Variants in DDR2 observed in about 807,000 individuals in gnomAD.
DDR2 encodes the protein discoidin domain-containing receptor 2.
DDR2 carries 27 observed loss-of-function variants against 94.9 expected under a neutral mutation model. That is an observed-to-expected ratio of 0.28 (90% CI 0.21 to 0.39). The LOEUF (loss-of-function observed/expected upper bound fraction) is 0.39, where lower values mean the gene tolerates loss of function less well. Ranked by LOEUF, DDR2 falls within the 10% of genes least tolerant of loss-of-function variation. The probability of loss-of-function intolerance (pLI) is 1.00; values close to 1 mark genes in which losing one functional copy is unlikely to be tolerated. For missense variants in DDR2, 783 were observed against 1,076.0 expected, an observed-to-expected ratio of 0.73 and a Z score of 3.81; for synonymous variants, 382 against 377.2, an observed-to-expected ratio of 1.01 and a Z score of -0.15.
At chr1:162,675,114 G>A (rs1019072023) in intron 2 of DDR2, among the ~76,000 whole-genome samples, 5 of 152,086 alleles carry the variant, frequency 3.3e-5, no homozygotes, top group Middle Eastern at 6.8e-3. Flanking sequence ...TCAAGATCAT[G>A]CTATTGCGTT....
chr1:162,703,089 C>T (rs1329996558), intron 2 of DDR2, among the ~76,000 whole-genome samples: 2 of 152,144 alleles, frequency 1.3e-5, no homozygotes, highest in African/African-American at 4.8e-5. Context: ...AGTGATAAAG[C>T]ATAAAATATA....
chr1:162,716,372 T>A (rs1661169495), intron 2 of DDR2, among the ~76,000 whole-genome samples: 1 of 152,064 alleles, frequency 6.6e-6, no homozygotes, highest in African/African-American at 2.4e-5. Flanking sequence ...AGAGCTCGGG[T>A]CTCTCTGGAA....
At chr1:162,760,484 C>CTATATATGTATATACATATACAACTA (rs1201191960) in intron 8 of DDR2, among the ~76,000 whole-genome samples, 3 of 122,844 alleles carry the variant, frequency 2.4e-5, no homozygotes, top group African/African-American at 8.3e-5. Context: ...ACATATACAA[C>CTATATATGTATATACATATACAACTA]TATATATGTA....
chr1:162,672,446 C>T (rs1453270400), intron 2 of DDR2, among the ~76,000 whole-genome samples: 1 of 118,468 alleles, frequency 8.4e-6, no homozygotes, highest in Non-Finnish European at 1.9e-5. Context: ...AAGTAGTGCA[C>T]AAATTAGTGC....
intron 3 of DDR2, among the ~76,000 whole-genome samples, chr1:162,744,079 C>T (rs1662735461): frequency 6.6e-6 from 1 of 152,108 alleles, no homozygotes; most frequent in Non-Finnish European, 1.5e-5. Flanking sequence ...AAGGCATGAT[C>T]TAGGGTAGGA....
intron 3 of DDR2, among the ~76,000 whole-genome samples, chr1:162,735,034 G>A (rs186040294): frequency 1.3e-5 from 2 of 152,304 alleles, no homozygotes; most frequent in East Asian, 1.9e-4. Context: ...GGACTCAACT[G>A]CAGGAGGTAG....
rs2102195921 is a variant in DDR2 at position 162,775,740 on chromosome 1, C to G, written c.1945C>G (p.Pro649Ala). ...ATTAGCTGTGTGTATCACTGATGAC[C>G]CTCTCTGTATGATCACTGAATACAT... ...HLLAVCITDD[P>A]LCMITEYMEN... The change falls in exon 15 of 18, where the codon CCT becomes GCT. Residue 649 changes from proline to alanine, a missense_variant. Physicochemically the swap from Pro to Ala is conservative, Grantham distance 27. Transcript: ENST00000367921. 6.2e-7 allele frequency: 1 copy of G among 1,614,062 alleles called. No individual in the cohort carries two copies. The highest frequency in any genetic ancestry group is 2.2e-5 in the East Asian group (1 of 44,880).
At position 162,780,279 on chromosome 1, in the gene DDR2, C is replaced by A. The variant is rs756316189; in HGVS notation, c.*33C>A. 1 of 1,613,442 alleles carries A rather than the reference C, an allele frequency of 6.2e-7. No homozygotes were observed. The highest frequency in any genetic ancestry group is 8.5e-7 in the Non-Finnish European group (1 of 1,179,712). ...AGTGCCTGGCCATGTTCCTACGGCT[C>A]AGGTCCTCCCTACAAGACCTACCAC... On this transcript the variant is annotated 3_prime_UTR_variant, in exon 18 of 18. Coordinates refer to ENST00000367921, the MANE Select transcript of DDR2 (RefSeq NM_006182.4).
At chr1:162,726,638 G>A (rs1003162549) in intron 3 of DDR2, among the ~76,000 whole-genome samples, 2 of 152,154 alleles carry the variant, frequency 1.3e-5, no homozygotes, top group African/African-American at 4.8e-5. Flanking sequence ...GGGGCCAGGA[G>A]CATGATCATG....
chr1:162,682,905 G>A (rs1454549809), intron 2 of DDR2, among the ~76,000 whole-genome samples: 2 of 152,086 alleles, frequency 1.3e-5, no homozygotes, highest in African/African-American at 2.4e-5. Flanking sequence ...CATGTTCAAA[G>A]AAAAAGGATG....
At chr1:162,677,736 G>T (rs1231653891) in intron 2 of DDR2, among the ~76,000 whole-genome samples, 1 of 152,160 alleles carries the variant, frequency 6.6e-6, no homozygotes, top group African/African-American at 2.4e-5. Flanking sequence ...AAAATGTGGA[G>T]GAGGTGTTTA....
chr1:162,774,865 G>T (rs1647439780), intron 14 of DDR2, among the ~76,000 whole-genome samples: 2 of 152,142 alleles, frequency 1.3e-5, no homozygotes, highest in South Asian at 4.1e-4. Context: ...GATTCCAGTG[G>T]TTTATATTGA....
chr1:162,742,121 A>G (rs1314841050), intron 3 of DDR2, among the ~76,000 whole-genome samples: 1 of 152,226 alleles, frequency 6.6e-6, no homozygotes, highest in Non-Finnish European at 1.5e-5. Context: ...TTCAAGCATA[A>G]TGATTACCTG....
chr1:162,726,020 G>T (rs1304085673), intron 3 of DDR2, among the ~76,000 whole-genome samples: 1 of 152,180 alleles, frequency 6.6e-6, no homozygotes, highest in South Asian at 2.1e-4. Flanking sequence ...TTGCCTACTC[G>T]CTGGACGAGC....
intron 3 of DDR2, among the ~76,000 whole-genome samples, chr1:162,736,408 A>G (rs1662300977): frequency 6.6e-6 from 1 of 152,196 alleles, no homozygotes; most frequent in Non-Finnish European, 1.5e-5. Flanking sequence ...CTTGATTTTC[A>G]AGGGTTGTGT....
In DDR2 at chr1:162,786,300, AGCGATGT is replaced by A. The variant is rs1272553026; in HGVS notation, c.*6056_*6062del. 6.6e-6 allele frequency: 1 copy of A among 152,228 alleles called. No homozygotes were observed. The highest frequency in any genetic ancestry group is 1.5e-5 in the Non-Finnish European group (1 of 68,072). 9.4% of individuals were successfully genotyped at this position (152,228 alleles called of 1,614,324 possible). A position where few individuals can be genotyped will look rare whatever the true frequency, so the allele number is the denominator to read the frequency against. On this transcript the variant is annotated 3_prime_UTR_variant, in exon 18 of 18. Transcript: ENST00000367921. ...CTTTTTCTGAGGACTGAGTTTCTGC[AGCGATGT>A]GGTGCACTCTTCCTGTGATGAGGAA...
At chr1:162,737,108 GT>G (rs1558055118) in intron 3 of DDR2, among the ~76,000 whole-genome samples, 1 of 137,612 alleles carries the variant, frequency 7.3e-6, no homozygotes, top group Non-Finnish European at 1.6e-5. Context: ...CTTTTTTTTC[GT>G]TTCTTTTTTT....
At chr1:162,752,899 C>G (rs1197380961) in intron 3 of DDR2, among the ~76,000 whole-genome samples, 196 bp from the exon 4 acceptor site, 2 of 151,912 alleles carry the variant, frequency 1.3e-5, no homozygotes, top group East Asian at 3.9e-4. Flanking sequence ...CTCGGAGGCC[C>G]AAATTGTATT....
chr1:162,755,597 C>G, intron 6 of DDR2, 67 bp from the exon 7 acceptor site: 1 of 1,449,014 alleles, frequency 6.9e-7, no homozygotes, highest in South Asian at 1.1e-5. Context: ...ACCCTTGAAA[C>G]TCACATAGTT....
Sources: allele counts gnomAD v4.1 joint callset (sites outside exome capture counted in the v4.1 genomes callset), GRCh38; gene constraint gnomAD v4.1.1; transcripts MANE v1.5; gene names NCBI Gene and HGNC (gene_info 2026-07-23, HGNC 2026-07-21).